Variants in QRFPR observed in about 807,000 individuals in gnomAD.
QRFPR encodes the protein pyroglutamylated RFamide peptide receptor, also known as pyroglutamylated RF-amide peptide receptor.
A neutral mutation model predicts 31.3 loss-of-function variants in QRFPR; 37 were observed. That is an observed-to-expected ratio of 1.18 (90% CI 0.91 to 1.56). The LOEUF (loss-of-function observed/expected upper bound fraction) is 1.56. Ranked by LOEUF, QRFPR falls within the 40% of genes most tolerant of loss-of-function variation. The pLI is 0.00. For synonymous variants in QRFPR, 197 were observed against 192.0 expected (o/e 1.03, Z -0.22); for missense variants, 542 against 532.5 (o/e 1.02, Z -0.18).
At chr4:121,359,677 GTA>G (rs1725945161) in intron 1 of QRFPR, among the ~76,000 whole-genome samples, 1 of 150,964 alleles carries the variant, frequency 6.6e-6, no homozygotes, top group Non-Finnish European at 1.5e-5. Flanking sequence ...ATATGTGTGT[GTA>G]TATATGTGTG....
chr4:121,380,977 C>T lies in QRFPR; in HGVS notation c.-330G>A, dbSNP rs1051013412. ...CACGGTCTGGGGTGCTGGAGCGCCACGCGAGGGTCCTGGCGCCTCTGGCTC... is the reference window on the plus strand; with the variant it reads ...CACGGTCTGGGGTGCTGGAGCGCCATGCGAGGGTCCTGGCGCCTCTGGCTC... On this transcript the variant is annotated 5_prime_UTR_variant, in exon 1 of 6. In the 5' UTR this introduces an upstream ATG that the reference lacks. Coordinates refer to ENST00000394427, the MANE Select transcript of QRFPR (RefSeq NM_198179.3). 16 of 263,186 alleles carry T rather than the reference C, an allele frequency of 6.1e-5. No individual in the cohort carries two copies. The highest frequency in any genetic ancestry group is 1.1e-4 in the Non-Finnish European group (15 of 139,978). 16.3% of individuals were successfully genotyped at this position (263,186 alleles called of 1,614,324 possible). A position where few individuals can be genotyped will look rare whatever the true frequency, so the allele number is the denominator to read the frequency against.
chr4:121,336,803 C>G lies in QRFPR; in HGVS notation c.561+4G>C. On this transcript the variant is annotated splice_donor_region_variant and intron_variant, in intron 3 of 5. Transcript: ENST00000394427. ...TATGATTATACATCTCAACTGGAGT[C>G]TACCTCAAGTTGTTGCACGTGCCAC... The G allele has an allele frequency of 6.2e-7, 1 of 1,604,970 alleles. No individual in the cohort carries two copies. The highest frequency in any genetic ancestry group is 2.2e-5 in the East Asian group (1 of 44,836).
chr4:121,369,441 T>G, intron 1 of QRFPR: 1 of 882,116 alleles, frequency 1.1e-6, no homozygotes, highest in Non-Finnish European at 1.8e-6. Flanking sequence ...TAGAAGCCAG[T>G]GGGTGTGAGC....
At chr4:121,362,520 C>T (rs2110479706) in intron 1 of QRFPR, among the ~76,000 whole-genome samples, 1 of 149,820 alleles carries the variant, frequency 6.7e-6, no homozygotes, top group East Asian at 2.0e-4. Flanking sequence ...ATAACTAACA[C>T]AAAATTGAAA....
chr4:121,359,138 C>T (rs2110478135), intron 1 of QRFPR, among the ~76,000 whole-genome samples: 1 of 152,214 alleles, frequency 6.6e-6, no homozygotes, highest in South Asian at 2.1e-4. Flanking sequence ...CAAGGTGTTT[C>T]AATGGTTTGG....
At position 121,345,496 on chromosome 4, in the gene QRFPR, T is replaced by A. The variant is rs573445034; in HGVS notation, c.341-4886A>T. ...CTTATTCTCTGGAAGGTAGGTTTTT[T>A]AAAAATGTAGTGTACTATGGGCTAT... On this transcript the variant is annotated intron_variant, in intron 1 of 5. Transcript: ENST00000394427. 1.2e-4 allele frequency among the ~76,000 whole-genome samples: 18 copies of A among 152,354 alleles called. 1 individual carries two copies. Among genetic ancestry groups the A allele is most frequent in the Admixed American group, 1.0e-3 (16 of 15,310 alleles).
intron 4 of QRFPR, 33 bp downstream of exon 4, chr4:121,332,788 A>G (rs1352839974): frequency 2.7e-6 from 4 of 1,504,892 alleles, no homozygotes. Flanking sequence ...AATTAAAAAT[A>G]ATTTAAAGAG....
In QRFPR at chr4:121,329,098, TG is replaced by T; in HGVS notation, c.*215del. ...GGCTAGTCAAGTGAAGCAGTGGGAA[TG>T]AGAAGGAACACAGAAATCTGTTAAA... On this transcript the variant is annotated 3_prime_UTR_variant, in exon 6 of 6. Transcript: ENST00000394427. 2.3e-5 allele frequency: 10 copies of T among 437,444 alleles called. No homozygotes were observed. The highest frequency in any genetic ancestry group is 1.0e-4 in the South Asian group (2 of 19,294). 27.1% of individuals were successfully genotyped at this position (437,444 alleles called of 1,614,324 possible).
At chr4:121,365,590 TTATATATATATA>T (rs1560743966) in intron 1 of QRFPR, among the ~76,000 whole-genome samples, 1 of 5,650 alleles carries the variant, frequency 1.8e-4, no homozygotes, top group African/African-American at 1.1e-3. Context: ...ATTATATATA[TTATATATATATA>T]ATATATATAT....
intron 1 of QRFPR, among the ~76,000 whole-genome samples, chr4:121,378,759 T>C (rs1035344354): frequency 3.3e-5 from 5 of 152,136 alleles, no homozygotes; most frequent in African/African-American, 9.7e-5. Context: ...TAATCCCTAA[T>C]ATTTTACTGA....
chr4:121,338,350 A>G (rs984108772), intron 2 of QRFPR, among the ~76,000 whole-genome samples: 3 of 152,196 alleles, frequency 2.0e-5, no homozygotes, highest in African/African-American at 7.2e-5. Context: ...TAGAAGGGCT[A>G]GAGTTGGATG....
At chr4:121,364,562 C>T (rs372605868) in intron 1 of QRFPR, among the ~76,000 whole-genome samples, 17 of 149,114 alleles carry the variant, frequency 1.1e-4, no homozygotes, top group African/African-American at 3.7e-4. Context: ...ATGGTGTGAA[C>T]CTGGGAGGCG....
intron 1 of QRFPR, among the ~76,000 whole-genome samples, chr4:121,376,357 C>A (rs1726352591): frequency 6.6e-6 from 1 of 152,144 alleles, no homozygotes; most frequent in Admixed American, 6.5e-5. Flanking sequence ...TGCCTCCATG[C>A]TGGGCACACT....
chr4:121,362,745 C>G (rs559317275), intron 1 of QRFPR, among the ~76,000 whole-genome samples: 1 of 150,022 alleles, frequency 6.7e-6, no homozygotes, highest in Admixed American at 6.6e-5. Flanking sequence ...ACAAATGGCA[C>G]TGAAACAACT....
chr4:121,350,753 C>A (rs1449876981), intron 1 of QRFPR, among the ~76,000 whole-genome samples: 1 of 152,106 alleles, frequency 6.6e-6, no homozygotes, highest in Non-Finnish European at 1.5e-5. Flanking sequence ...GGCACATAAA[C>A]TTTTCTTATA....
rs894762929 is a variant in QRFPR, at chr4:121,380,636, A to C, written c.12T>G (p.Leu4=). MQA[L]NITPEQFSRL... The stretch of plus-strand genomic sequence containing the variant: ...GAGAGAACTGCTCCGGGGTAATGTT[A>C]AGCGCCTGCATTGCTGTGCGCTCCC... The change falls in exon 1 of 6, where the codon CTT becomes CTG. Residue 4 remains leucine (L), a synonymous_variant. Transcript: ENST00000394427. 6.4e-7 allele frequency: 1 copy of C among 1,561,584 alleles called. No homozygotes were observed. The highest frequency in any genetic ancestry group is 8.7e-7 in the Non-Finnish European group (1 of 1,149,758).
At chr4:121,347,530 G>A (rs921630660) in intron 1 of QRFPR, among the ~76,000 whole-genome samples, 1 of 152,108 alleles carries the variant, frequency 6.6e-6, no homozygotes, top group African/African-American at 2.4e-5. Flanking sequence ...AGGTTTTAGG[G>A]GATGTATTTC....
At chr4:121,370,271 C>A (rs1474929381) in intron 1 of QRFPR, 3 of 783,722 alleles carry the variant, frequency 3.8e-6, no homozygotes, top group Middle Eastern at 3.4e-4. Context: ...GGCGGTATAT[C>A]CTGAAGGGCA....
At position 121,380,697 on chromosome 4, in the gene QRFPR, T is replaced by C; in HGVS notation, c.-50A>G. The C allele has an allele frequency of 6.9e-7, 1 of 1,452,752 alleles. No homozygotes were observed. The highest frequency in any genetic ancestry group is 9.1e-7 in the Non-Finnish European group (1 of 1,093,506). The allele number at this position is 1,452,752 out of a possible 1,614,324, so 90.0% of individuals were successfully genotyped here. A position where few individuals can be genotyped will look rare whatever the true frequency, so the allele number is the denominator to read the frequency against. On this transcript the variant is annotated 5_prime_UTR_variant, in exon 1 of 6. An upstream start codon of the reference 5' UTR is lost. Transcript: ENST00000394427. ...GCCACCGCCCGCTACTGGCTGGCCA[T>C]CCGCATCTGCGGGGCAGCGAGGGCT...
Sources: gnomAD v4.1 joint callset for allele counts (sites outside exome capture counted in the v4.1 genomes callset) on GRCh38, gnomAD v4.1.1 for gene constraint, MANE v1.5 for transcripts, NCBI Gene and HGNC (gene_info 2026-07-23, HGNC 2026-07-21) for gene names.